Variants in ZNF385D observed in about 807,000 individuals in gnomAD.
ZNF385D encodes the protein zinc finger protein 385D, also known as zinc finger protein 659.
Under a neutral mutation model 35.8 loss-of-function variants are expected in ZNF385D, and 15 were observed. The observed-to-expected ratio is 0.42, with a 90% CI of 0.28 to 0.64. The LOEUF (loss-of-function observed/expected upper bound fraction) is 0.64. ZNF385D is among the 30% of genes least tolerant of loss of function. The pLI is 0.23. For missense variants in ZNF385D, 474 were observed against 494.6 expected, an observed-to-expected ratio of 0.96 and a Z score of 0.39; for synonymous variants, 212 against 186.8, an observed-to-expected ratio of 1.13 and a Z score of -1.10.
intron 3 of ZNF385D, among the ~76,000 whole-genome samples, chr3:21,560,551 G>C (rs893482229): frequency 2.0e-5 from 3 of 152,150 alleles, no homozygotes; most frequent in East Asian, 1.9e-4. Context: ...AGATGCCAGC[G>C]AGAGCTCTCC....
chr3:21,966,844 G>C (rs903826509), intron 3 of ZNF385D, among the ~76,000 whole-genome samples: 3 of 152,188 alleles, frequency 2.0e-5, no homozygotes, highest in Admixed American at 2.0e-4. Context: ...GGCCTCCGAG[G>C]CCGAAGGATT....
chr3:22,034,926 T>A (rs1698221451), intron 3 of ZNF385D, among the ~76,000 whole-genome samples: 1 of 152,200 alleles, frequency 6.6e-6, no homozygotes, highest in Non-Finnish European at 1.5e-5. Context: ...AGAATAATAG[T>A]ATTTCATGAT....
chr3:21,520,570 C>A (rs1460331232), intron 3 of ZNF385D, among the ~76,000 whole-genome samples: 2 of 152,140 alleles, frequency 1.3e-5, no homozygotes, highest in Admixed American at 1.3e-4. Flanking sequence ...GGCACAAACA[C>A]AAACTATTAT....
intron 2 of ZNF385D, among the ~76,000 whole-genome samples, chr3:21,631,773 A>T (rs1423734519): frequency 6.6e-6 from 1 of 152,096 alleles, no homozygotes; most frequent in Non-Finnish European, 1.5e-5. Flanking sequence ...CTGATGCCAG[A>T]ACTTGGGTCT....
At chr3:21,805,043 G>C (rs1201894634) in intron 3 of ZNF385D, among the ~76,000 whole-genome samples, 2 of 152,166 alleles carry the variant, frequency 1.3e-5, no homozygotes, top group Non-Finnish European at 2.9e-5. Context: ...AATGGTGAGA[G>C]GGGCTTATAC....
At chr3:21,915,641 G>GA (rs1052523498) in intron 3 of ZNF385D, among the ~76,000 whole-genome samples, 3 of 151,152 alleles carry the variant, frequency 2.0e-5, no homozygotes, top group Non-Finnish European at 4.4e-5. Flanking sequence ...CATACACAAA[G>GA]AAAAAAAACA....
chr3:21,947,387 T>C (rs913048504), intron 3 of ZNF385D, among the ~76,000 whole-genome samples: 90 of 152,222 alleles, frequency 5.9e-4, no homozygotes, highest in African/African-American at 2.1e-3. Flanking sequence ...AGTCTCGCTC[T>C]GTCGCCCAGA....
chr3:21,649,145 C>T (rs1305686136), intron 2 of ZNF385D, among the ~76,000 whole-genome samples: 8 of 152,040 alleles, frequency 5.3e-5, no homozygotes, highest in Non-Finnish European at 8.8e-5. Flanking sequence ...GATTTAATTG[C>T]ATACTGACAT....
intron 3 of ZNF385D, among the ~76,000 whole-genome samples, chr3:21,911,926 T>C (rs1283803612): frequency 6.6e-6 from 1 of 151,910 alleles, no homozygotes; most frequent in African/African-American, 2.4e-5. Context: ...TATATTAATA[T>C]ATCAAACTAA....
At chr3:22,306,112 AT>A (rs1372599168) in intron 2 of ZNF385D, among the ~76,000 whole-genome samples, 2 of 152,024 alleles carry the variant, frequency 1.3e-5, no homozygotes, top group East Asian at 1.9e-4. Flanking sequence ...TCTCTTTCGT[AT>A]TTTCTTCTTC....
In ZNF385D at chr3:21,943,299, T is replaced by C. The variant is rs747637081; in HGVS notation, c.325+225518A>G. Among the ~76,000 whole-genome samples, 62 of 151,278 alleles carry C rather than the reference T, an allele frequency of 4.1e-4. 1 individual carries two copies. The highest frequency in any genetic ancestry group is 7.4e-5 in the Non-Finnish European group (5 of 67,756). On this transcript the variant is annotated intron_variant, in intron 3 of 5. Transcript: ENST00000494108. Reference sequence around the variant, plus strand: ...ATGTGTGTGTGTGTGTGTATAGATGTGTGTGTGTGTATATATATGTATATA... The same window carrying C: ...ATGTGTGTGTGTGTGTGTATAGATGCGTGTGTGTGTATATATATGTATATA...
At chr3:22,316,509 C>G (rs866116658) in intron 2 of ZNF385D, among the ~76,000 whole-genome samples, 2 of 152,044 alleles carry the variant, frequency 1.3e-5, no homozygotes, top group Admixed American at 6.5e-5. Context: ...TCCCCAAAAA[C>G]TTTGATGGTA....
intron 2 of ZNF385D, among the ~76,000 whole-genome samples, chr3:22,333,302 T>A (rs563735041): frequency 6.6e-6 from 1 of 152,262 alleles, no homozygotes; most frequent in Admixed American, 6.5e-5. Context: ...TCCAGATGTT[T>A]AAATACATAG....
chr3:22,045,241 C>G (rs1417267583), intron 3 of ZNF385D, among the ~76,000 whole-genome samples: 1 of 151,778 alleles, frequency 6.6e-6, no homozygotes, highest in Admixed American at 6.6e-5. Flanking sequence ...ATATTTAAGT[C>G]TTTGATCCAT....
chr3:21,962,029 A>G (rs1702624787), intron 3 of ZNF385D, among the ~76,000 whole-genome samples: 2 of 152,174 alleles, frequency 1.3e-5, no homozygotes, highest in African/African-American at 4.8e-5. Flanking sequence ...TAAGAGCAAC[A>G]GAAGACACTA....
At chr3:22,019,549 C>T (rs1313519293) in intron 3 of ZNF385D, among the ~76,000 whole-genome samples, 1 of 151,882 alleles carries the variant, frequency 6.6e-6, no homozygotes, top group African/African-American at 2.4e-5. Context: ...CATATATATA[C>T]ACAAATGATG....
intron 3 of ZNF385D, among the ~76,000 whole-genome samples, chr3:21,770,151 C>A (rs2071013591): frequency 6.6e-6 from 1 of 152,106 alleles, no homozygotes; most frequent in African/African-American, 2.4e-5. Flanking sequence ...AAAACCTAGG[C>A]AATATCATTC....
chr3:22,214,781 C>A (rs1388824715), intron 2 of ZNF385D, among the ~76,000 whole-genome samples: 3 of 151,996 alleles, frequency 2.0e-5, no homozygotes, highest in African/African-American at 4.8e-5. Flanking sequence ...TTATCAATGA[C>A]AATGCATGCC....
intron 1 of ZNF385D, among the ~76,000 whole-genome samples, chr3:21,669,297 A>C (rs1026767941): frequency 6.6e-6 from 1 of 152,208 alleles, no homozygotes; most frequent in African/African-American, 2.4e-5. Flanking sequence ...AATGTAAACT[A>C]AGTGATCATT....
Sources: gnomAD v4.1 joint callset for allele counts (sites outside exome capture counted in the v4.1 genomes callset) on GRCh38, gnomAD v4.1.1 for gene constraint, MANE v1.5 for transcripts, NCBI Gene and HGNC (gene_info 2026-07-23, HGNC 2026-07-21) for gene names.